PTOV1: variants seen among roughly 807,000 people sequenced by gnomAD.
PTOV1 encodes the protein PTOV1 extended AT-hook containing adaptor protein.
PTOV1 carries 20 observed loss-of-function variants against 58.0 expected under a neutral mutation model. The observed-to-expected ratio is 0.34, with a 90% CI of 0.24 to 0.50. The LOEUF is 0.50. Ranked by LOEUF, PTOV1 falls within the 20% of genes least tolerant of loss-of-function variation. The probability of loss-of-function intolerance (pLI) is 0.98; values close to 1 mark genes in which losing one functional copy is unlikely to be tolerated. For missense variants in PTOV1, 593 were observed against 565.4 expected, an observed-to-expected ratio of 1.05 and a Z score of -0.50; for synonymous variants, 335 against 234.2, an observed-to-expected ratio of 1.43 and a Z score of -3.93.
intron 6 of PTOV1, chr19:49,857,338 T>G: frequency 1.4e-6 from 1 of 705,820 alleles, no homozygotes; most frequent in Non-Finnish European, 2.3e-6. Context: ...GGAGGGTGGG[T>G]CTTGGCGCGG....
At chr19:49,851,045 G>T, upstream of PTOV1, 1 of 1,507,860 alleles carries the variant, frequency 6.6e-7, no homozygotes, top group African/African-American at 1.4e-5. Context: ...CCGCAGGACC[G>T]CCGAGCCCAC....
At chr19:49,854,618 G>C in intron 2 of PTOV1, 34 bp from the exon 3 acceptor site, 1 of 1,613,232 alleles carries the variant, frequency 6.2e-7, no homozygotes, top group Non-Finnish European at 8.5e-7. Context: ...GGGCATCTAG[G>C]CTGTGCACAG....
chr19:49,853,902 A>T (rs1376400345), intron 1 of PTOV1, among the ~76,000 whole-genome samples: 2 of 152,130 alleles, frequency 1.3e-5, no homozygotes, highest in African/African-American at 4.8e-5. Flanking sequence ...GAGCCAGAGG[A>T]AGGAATTGAA....
At chr19:49,859,780 CAG>C (rs1037212982) in intron 10 of PTOV1, 21 of 606,642 alleles carry the variant, frequency 3.5e-5, no homozygotes, top group African/African-American at 5.6e-5. Flanking sequence ...CCCTTCCCGA[CAG>C]AGCCTGTTGG....
At chr19:49,857,371 G>C (rs572683967) in intron 6 of PTOV1, 2 of 631,644 alleles carry the variant, frequency 3.2e-6, no homozygotes, top group Admixed American at 5.9e-5. Flanking sequence ...CAGCGGAGCG[G>C]GGAGCTGGGC....
intron 10 of PTOV1, among the ~76,000 whole-genome samples, chr19:49,859,664 C>T (rs544168281): frequency 1.0e-3 from 153 of 152,328 alleles, no homozygotes; most frequent in African/African-American, 3.3e-3. Flanking sequence ...GCAGATCCCT[C>T]GGGCTCCTGA....
intron 9 of PTOV1, 119 bp from the exon 10 acceptor site, chr19:49,858,430 G>T (rs2074579260): frequency 1.3e-6 from 1 of 794,508 alleles, no homozygotes; most frequent in Admixed American, 2.3e-5. Flanking sequence ...GACGTTTCCT[G>T]AGGTAGGGAG....
chr19:49,860,237 C>T lies in PTOV1; in HGVS notation c.1240-31C>T, dbSNP rs890014114. 3 of 1,613,550 alleles carry T rather than the reference C, an allele frequency of 1.9e-6. No homozygotes were observed. The African/African-American group carries it at 4.0e-5, about 22-fold the overall frequency. On this transcript the variant is annotated intron_variant, in intron 11 of 11. Coordinates refer to ENST00000391842, the Ensembl canonical transcript of PTOV1. Reference sequence around the variant, plus strand: ...AGTCTCCCTCCACCCCCGCTGCCTGCTCACCACTGGCCTCTGATTTCTCGC... The same window carrying T: ...AGTCTCCCTCCACCCCCGCTGCCTGTTCACCACTGGCCTCTGATTTCTCGC...
chr19:49,860,542 C>T (rs1199545438), exon 12 of PTOV1: 1 of 597,898 alleles, frequency 1.7e-6, no homozygotes, highest in Middle Eastern at 4.4e-4. Flanking sequence ...GGCCAGGCCT[C>T]TGCTCACAGG....
intron 1 of PTOV1, among the ~76,000 whole-genome samples, chr19:49,853,715 A>G (rs1426449653): frequency 6.6e-6 from 1 of 152,100 alleles, no homozygotes; most frequent in Non-Finnish European, 1.5e-5. Context: ...GGTGTTCTAC[A>G]TGTTTTGGTC....
In PTOV1 at chr19:49,860,604, C is replaced by T. The variant is rs1011920769; in HGVS notation, c.*325C>T. ...GTGGCCAGCAGCCCCCACTGCACCC[C>T]TGCCCCCAGGTGACACGCTTCTGAG... On this transcript the variant is annotated 3_prime_UTR_variant, in exon 12 of 12. Transcript: ENST00000391842. 27 of 517,240 alleles carry T rather than the reference C, an allele frequency of 5.2e-5. 2 individuals carry two copies. Among genetic ancestry groups the T allele is most frequent in the Non-Finnish European group, 7.5e-5 (22 of 292,734 alleles). 32.0% of individuals were successfully genotyped at this position (517,240 alleles called of 1,614,324 possible).
intron 10 of PTOV1, 191 bp from the exon 11 acceptor site, chr19:49,859,795 T>C: frequency 1.6e-6 from 1 of 627,186 alleles, no homozygotes; most frequent in Admixed American, 2.8e-5. Context: ...CCTGTTGGCC[T>C]TTGGCCCACC....
At chr19:49,860,031 G>T in exon 11 of PTOV1, 1 of 1,614,200 alleles carries the variant, frequency 6.2e-7, no homozygotes, top group East Asian at 2.2e-5. Flanking sequence ...TGAGATCCGC[G>T]TGCTTATGCT....
chr19:49,851,715 G>C, intron 1 of PTOV1: 1 of 1,145,250 alleles, frequency 8.7e-7, no homozygotes, highest in Non-Finnish European at 1.1e-6. Flanking sequence ...TGGGGGGTTG[G>C]GGGACGGGGG....
In PTOV1 at chr19:49,857,798, C is replaced by T. The variant is rs1207616893; in HGVS notation, c.804+16C>T. 1.9e-6 allele frequency: 3 copies of T among 1,613,818 alleles called. No homozygotes were observed. The highest frequency in any genetic ancestry group is 2.5e-6 in the Non-Finnish European group (3 of 1,179,790). On this transcript the variant is annotated intron_variant, in intron 7 of 11. Transcript: ENST00000391842. ...GTGGCAGGAGGTGAGCACTCGGCAGCCCAGGGACTTGGGACCCCCAGATCC... is the reference window on the plus strand; with the variant it reads ...GTGGCAGGAGGTGAGCACTCGGCAGTCCAGGGACTTGGGACCCCCAGATCC...
intron 1 of PTOV1, 112 bp downstream of exon 1, chr19:49,851,611 C>T: frequency 1.9e-6 from 2 of 1,044,030 alleles, no homozygotes; most frequent in Non-Finnish European, 2.4e-6. Flanking sequence ...TCCCCTGTGG[C>T]CCGAAGGGTG....
intron 9 of PTOV1, 21 bp from the exon 10 acceptor site, chr19:49,858,528 G>C (rs1465711205): frequency 6.4e-7 from 1 of 1,564,504 alleles, no homozygotes; most frequent in Non-Finnish European, 8.7e-7. Flanking sequence ...CAGAGCTGGG[G>C]GTCCCCTCGC....
chr19:49,860,657 C>T (rs1358727309), exon 12 of PTOV1: 2 of 416,884 alleles, frequency 4.8e-6, no homozygotes, highest in Non-Finnish European at 8.6e-6. Context: ...TTCAACTGCC[C>T]AGCAACATGG....
exon 12 of PTOV1, chr19:49,860,389 G>GGGCCCCGGGCC: frequency 8.3e-7 from 1 of 1,203,046 alleles, no homozygotes. Context: ...TGTGGGGGGG[G>GGGCCCCGGGCC]TGGGGTTGGG....
Sources: gnomAD v4.1 joint callset for allele counts (sites outside exome capture counted in the v4.1 genomes callset) on GRCh38, gnomAD v4.1.1 for gene constraint, MANE v1.5 for transcripts, NCBI Gene and HGNC (gene_info 2026-07-23, HGNC 2026-07-21) for gene names.